FAT3: variants seen among roughly 807,000 people sequenced by gnomAD.
The protein encoded by FAT3 is protocadherin Fat 3.
Under a neutral mutation model 310.2 loss-of-function variants are expected in FAT3, and 95 were observed. That is an observed-to-expected ratio of 0.31 (90% CI 0.26 to 0.36). The LOEUF (loss-of-function observed/expected upper bound fraction) is 0.36, where lower values mean the gene tolerates loss of function less well. Ranked by LOEUF, FAT3 falls within the 10% of genes least tolerant of loss-of-function variation. FAT3 has a pLI of 1.00. For missense variants in FAT3, 5,408 were observed against 5,715.6 expected (o/e 0.95, Z 1.74); for synonymous variants, 2,314 against 2,192.9 (o/e 1.06, Z -1.54).
intron 2 of FAT3, among the ~76,000 whole-genome samples, chr11:92,355,623 T>G (rs1273795660): frequency 6.6e-6 from 1 of 152,294 alleles, no homozygotes; most frequent in East Asian, 1.9e-4. Context: ...AGTCCTGGTT[T>G]GTTTTGTTTT....
intron 3 of FAT3, among the ~76,000 whole-genome samples, chr11:92,555,386 T>C (rs1452959949): frequency 6.6e-6 from 1 of 152,234 alleles, no homozygotes; most frequent in East Asian, 1.9e-4. Flanking sequence ...TGCCTTAAAA[T>C]TAGTTTTAAA....
At position 92,554,453 on chromosome 11, in the gene FAT3, C is replaced by G. The variant is rs372822832; in HGVS notation, c.3607+29505C>G. On this transcript the variant is annotated intron_variant, in intron 3 of 27. Transcript: ENST00000525166. ...CTCCAACCTGGGCGAAAGAGTGAGACTCCATCTCAAAAAAAAAAAAAAAAA... is the reference window on the plus strand; with the variant it reads ...CTCCAACCTGGGCGAAAGAGTGAGAGTCCATCTCAAAAAAAAAAAAAAAAA... Among the ~76,000 whole-genome samples the G allele has an allele frequency of 2.1e-3, 212 of 98,714 alleles. 1 individual carries two copies. In the Middle Eastern group the frequency reaches 0.03, roughly 14 times the overall value. The allele number at this position is 98,714 out of a possible 152,430, so 64.8% of individuals were successfully genotyped here.
chr11:92,251,367 A>G (rs1865133634), intron 1 of FAT3, among the ~76,000 whole-genome samples: 2 of 152,138 alleles, frequency 1.3e-5, no homozygotes, highest in African/African-American at 4.8e-5. Context: ...AATGTTATAT[A>G]TAGTGCATCC....
rs1398539332 is a variant in FAT3, at chr11:92,487,089, A to G, written c.3293-37545A>G. On this transcript the variant is annotated intron_variant, in intron 2 of 27. Coordinates refer to ENST00000525166, the MANE Select transcript of FAT3 (RefSeq NM_001367949.2). ...GACAGCTAAGAGCACTGGTTCCTCC[A>G]GAATGGGGTCCCCACTTAGTAATCG... Among the ~76,000 whole-genome samples the G allele has an allele frequency of 2.0e-5, 3 of 152,182 alleles. No homozygotes were observed. In the East Asian group the frequency reaches 5.8e-4, roughly 29 times the overall value.
intron 3 of FAT3, among the ~76,000 whole-genome samples, chr11:92,658,239 C>A (rs1942649242): frequency 1.3e-5 from 2 of 152,152 alleles, no homozygotes; most frequent in Non-Finnish European, 2.9e-5. Flanking sequence ...AATAAGCTCA[C>A]TTAAACAAGT....
chr11:92,403,463 G>A (rs1046783371), intron 2 of FAT3: 2 of 152,216 alleles, frequency 1.3e-5, no homozygotes, highest in Non-Finnish European at 2.9e-5. Context: ...ATTCATTGCA[G>A]TATGTGATTA....
chr11:92,769,468 A>G lies in FAT3; in HGVS notation c.4195+4379A>G, dbSNP rs529349143. On this transcript the variant is annotated intron_variant, in intron 6 of 27. Transcript: ENST00000525166. Reference sequence around the variant, plus strand: ...TTGATTTACAGACTCTCTAATGTGCATGCAATCTGGTTCACAGTTCAGTCC... The same window carrying G: ...TTGATTTACAGACTCTCTAATGTGCGTGCAATCTGGTTCACAGTTCAGTCC... Among the ~76,000 whole-genome samples the G allele has an allele frequency of 1.6e-4, 25 of 152,282 alleles. No individual in the cohort carries two copies. In the South Asian group the frequency reaches 5.2e-3, roughly 32 times the overall value.
At position 92,799,553 on chromosome 11, in the gene FAT3, C is replaced by T. The variant is rs752298709; in HGVS notation, c.6540C>T (p.Asn2180=). 4 of 1,613,650 alleles carry T rather than the reference C, an allele frequency of 2.5e-6. No homozygotes were observed. The highest frequency in any genetic ancestry group is 3.4e-6 in the Non-Finnish European group (4 of 1,179,842). ...TGGAGCTTCCCATCACTATTGTCAA[C>T]AAAGCAATGCCTGTGTTTGATAAGC... The part of the protein sequence containing the change: ...TSVELPITIV[N]KAMPVFDKPF... Residue 2180 remains asparagine, a synonymous_variant, in exon 10 of 28, where the codon AAC becomes AAT. Transcript: ENST00000525166.
rs1455619917 is a variant in FAT3, at chr11:92,891,274, T to A, written c.*161T>A. On this transcript the variant is annotated 3_prime_UTR_variant, in exon 28 of 28. Transcript: ENST00000525166. Reference sequence around the variant, plus strand: ...AGTCATACTGTCCCAACAAGCAAGCTTGATTCCAGTTGGGTGAAAATGAAA... The same window carrying A: ...AGTCATACTGTCCCAACAAGCAAGCATGATTCCAGTTGGGTGAAAATGAAA... 2 of 972,094 alleles carry A rather than the reference T, an allele frequency of 2.1e-6. No homozygotes were observed. The highest frequency in any genetic ancestry group is 5.3e-5 in the East Asian group (2 of 37,754). The allele number at this position is 972,094 out of a possible 1,614,324, so 60.2% of individuals were successfully genotyped here. A position where few individuals can be genotyped will look rare whatever the true frequency, so the allele number is the denominator to read the frequency against.
intron 1 of FAT3, among the ~76,000 whole-genome samples, chr11:92,234,052 A>G (rs1162185725): frequency 6.6e-6 from 1 of 152,254 alleles, no homozygotes; most frequent in African/African-American, 2.4e-5. Context: ...ATCCAAGTGA[A>G]TAAACCTAGA....
At chr11:92,367,034 C>T in intron 2 of FAT3, 1 of 510,540 alleles carries the variant, frequency 2.0e-6, no homozygotes, top group South Asian at 1.4e-5. Context: ...TGATCAATAA[C>T]ATCTAGCACT....
chr11:92,671,673 CAT>C (rs1382437936), intron 3 of FAT3, among the ~76,000 whole-genome samples: 1 of 152,092 alleles, frequency 6.6e-6, no homozygotes, highest in Non-Finnish European at 1.5e-5. Context: ...ATTTGTTTAA[CAT>C]GTGTCTTTCC....
chr11:92,886,244 A>G (rs1390742398), intron 24 of FAT3, among the ~76,000 whole-genome samples: 1 of 152,140 alleles, frequency 6.6e-6, no homozygotes, highest in Non-Finnish European at 1.5e-5. Context: ...TTTCTGGGCT[A>G]CTAATTCATT....
intron 2 of FAT3, among the ~76,000 whole-genome samples, chr11:92,386,165 T>G (rs1949613605): frequency 6.6e-6 from 1 of 152,154 alleles, no homozygotes; most frequent in African/African-American, 2.4e-5. Context: ...GAAAATAAAC[T>G]CATCCTTTCT....
intron 3 of FAT3, among the ~76,000 whole-genome samples, chr11:92,671,509 G>A (rs1343503437): frequency 6.6e-6 from 1 of 151,888 alleles, no homozygotes; most frequent in East Asian, 1.9e-4. Flanking sequence ...TGACTAAATT[G>A]TGTCCTTCTC....
rs9299904 is a variant in FAT3 at position 92,608,720 on chromosome 11, C to CAATAAT, written c.3607+83792_3607+83797dup. ...CATGAAAATATAGTCCTGAATTCAG[C>CAATAAT]AATAATAATAATAATAATAATAATA... On this transcript the variant is annotated intron_variant, in intron 3 of 27. Coordinates refer to ENST00000525166, the MANE Select transcript of FAT3 (RefSeq NM_001367949.2). Among the ~76,000 whole-genome samples, 204 of 145,180 alleles carry CAATAAT rather than the reference C, an allele frequency of 1.4e-3. 2 individuals are homozygous for CAATAAT. The highest frequency in any genetic ancestry group is 3.6e-3 in the African/African-American group (140 of 39,100).
chr11:92,536,558 G>C (rs1210025407), intron 3 of FAT3, among the ~76,000 whole-genome samples: 1 of 152,102 alleles, frequency 6.6e-6, no homozygotes, highest in African/African-American at 2.4e-5. Context: ...ATTTTAAAGG[G>C]TATTTTGCAT....
rs181824676 is a variant in FAT3 at position 92,635,924 on chromosome 11, A to G, written c.3608-61460A>G. 3.3e-5 allele frequency among the ~76,000 whole-genome samples: 5 copies of G among 152,248 alleles called. No individual in the cohort carries two copies. The East Asian group carries it at 9.6e-4, about 29-fold the overall frequency. On this transcript the variant is annotated intron_variant, in intron 3 of 27. Transcript: ENST00000525166. Reference sequence around the variant, plus strand: ...CAAAGTATTAGAAATAGATGTAAGCAGTTCCTACAAGGTCTTCTTTTTTGT... The same window carrying G: ...CAAAGTATTAGAAATAGATGTAAGCGGTTCCTACAAGGTCTTCTTTTTTGT...
chr11:92,242,384 T>C (rs1243044796), intron 1 of FAT3, among the ~76,000 whole-genome samples: 2 of 152,054 alleles, frequency 1.3e-5, no homozygotes, highest in Non-Finnish European at 2.9e-5. Context: ...AGAAAACTAC[T>C]AGTGGTTAAA....
Sources: gnomAD v4.1 joint callset for allele counts (sites outside exome capture counted in the v4.1 genomes callset) on GRCh38, gnomAD v4.1.1 for gene constraint, MANE v1.5 for transcripts, NCBI Gene and HGNC (gene_info 2026-07-23, HGNC 2026-07-21) for gene names.